TBC1D8: variants seen among roughly 807,000 people sequenced by gnomAD.
TBC1D8 encodes BUB2-like protein 1.
In TBC1D8, 65 loss-of-function variants were observed where a neutral mutation model predicts 118.8. The observed-to-expected ratio is 0.55, with a 90% CI of 0.45 to 0.67. The LOEUF (loss-of-function observed/expected upper bound fraction) is 0.67, where lower values mean the gene tolerates loss of function less well. Ranked by LOEUF, TBC1D8 falls within the 30% of genes least tolerant of loss-of-function variation. TBC1D8 has a pLI of 0.00. For synonymous variants in TBC1D8, 566 were observed against 595.8 expected, an observed-to-expected ratio of 0.95 and a Z score of 0.73; for missense variants, 1,376 against 1,471.2, an observed-to-expected ratio of 0.94 and a Z score of 1.06.
intron 7 of TBC1D8, 122 bp from the exon 8 acceptor site, chr2:101,037,830 G>C (rs1681120385): frequency 8.1e-7 from 1 of 1,231,694 alleles, no homozygotes; most frequent in Non-Finnish European, 1.1e-6. Flanking sequence ...CAATGACTCA[G>C]GGGGAAGACA....
At chr2:101,066,760 C>T (rs1005339833) in intron 2 of TBC1D8, among the ~76,000 whole-genome samples, 11 of 152,022 alleles carry the variant, frequency 7.2e-5, no homozygotes, top group Admixed American at 2.0e-4. Context: ...GCCTGGCCAA[C>T]GTGGCGAAAC....
At chr2:101,011,071 C>T in intron 18 of TBC1D8, 45 bp from the exon 19 acceptor site, 1 of 1,577,074 alleles carries the variant, frequency 6.3e-7, no homozygotes. Context: ...TAAATAAATT[C>T]AGTGACAGCA....
intron 17 of TBC1D8, among the ~76,000 whole-genome samples, chr2:101,015,391 A>T (rs1679549659): frequency 6.6e-6 from 1 of 152,188 alleles, no homozygotes. Context: ...ATAAACACTT[A>T]ACTGTACTGA....
chr2:101,126,635 A>G lies in TBC1D8; in HGVS notation c.127+24492T>C, dbSNP rs183832310. Reference sequence around the variant, plus strand: ...AGAGAGGTAAAGTAGTGAAAGCCCTATGAAAAATGTAATTCAATATGAAAA... The same window carrying G: ...AGAGAGGTAAAGTAGTGAAAGCCCTGTGAAAAATGTAATTCAATATGAAAA... On this transcript the variant is annotated intron_variant, in intron 1 of 19. Coordinates refer to ENST00000409318, the MANE Select transcript of TBC1D8 (RefSeq NM_001330348.2). Among the ~76,000 whole-genome samples the G allele has an allele frequency of 8.8e-4, 134 of 152,356 alleles. 1 individual carries two copies. Among genetic ancestry groups the G allele is most frequent in the African/African-American group, 3.2e-3 (131 of 41,580 alleles).
At chr2:101,105,758 T>C (rs1348032569) in intron 1 of TBC1D8, among the ~76,000 whole-genome samples, 1 of 152,112 alleles carries the variant, frequency 6.6e-6, no homozygotes, top group African/African-American at 2.4e-5. Context: ...GACTCATTCA[T>C]TGCTGATGGT....
At chr2:101,027,867 C>T (rs1410070205) in intron 14 of TBC1D8, among the ~76,000 whole-genome samples, 181 bp downstream of exon 14, 3 of 152,248 alleles carry the variant, frequency 2.0e-5, no homozygotes, top group Admixed American at 1.3e-4. Flanking sequence ...GTTGAGTACA[C>T]TCACCACCTG....
At chr2:101,096,796 G>GA (rs1553418149) in intron 1 of TBC1D8, among the ~76,000 whole-genome samples, 2 of 146,502 alleles carry the variant, frequency 1.4e-5, no homozygotes, top group East Asian at 2.0e-4. Context: ...AGAGAGAGGG[G>GA]GAGAGAGAGA....
At chr2:101,016,555 C>G (rs1279468079) in intron 17 of TBC1D8, among the ~76,000 whole-genome samples, 3 of 152,154 alleles carry the variant, frequency 2.0e-5, no homozygotes, top group African/African-American at 7.2e-5. Flanking sequence ...ACCATTTGAC[C>G]CAGCCATCCC....
chr2:101,045,491 G>A (rs1329790886), intron 5 of TBC1D8, among the ~76,000 whole-genome samples: 2 of 152,158 alleles, frequency 1.3e-5, no homozygotes, highest in African/African-American at 2.4e-5. Context: ...GGCTTAACGC[G>A]TCCCCAAACT....
intron 1 of TBC1D8, among the ~76,000 whole-genome samples, chr2:101,102,136 A>G (rs1051390228): frequency 3.9e-5 from 6 of 152,184 alleles, no homozygotes; most frequent in Non-Finnish European, 5.9e-5. Context: ...CAAACATAGT[A>G]GATATTAATC....
At chr2:101,133,114 C>G (rs371181156) in intron 1 of TBC1D8, among the ~76,000 whole-genome samples, 1 of 146,724 alleles carries the variant, frequency 6.8e-6, no homozygotes, top group Non-Finnish European at 1.5e-5. Flanking sequence ...GAGCTGAGAT[C>G]GAGCCACTGC....
rs899572739 is a variant in TBC1D8 at position 101,151,318 on chromosome 2, C to T, written c.-65G>A. The T allele has an allele frequency of 1.6e-5, 18 of 1,095,830 alleles. No individual in the cohort carries two copies. Among genetic ancestry groups the T allele is most frequent in the Non-Finnish European group, 1.8e-5 (16 of 890,972 alleles). 67.9% of individuals were successfully genotyped at this position (1,095,830 alleles called of 1,614,324 possible). ...CTCCCCGGCCGCCGGTCGCTGTGAG[C>T]CGAGCCCGCTCGAGAGGCGACGGCG... is the stretch of plus-strand genomic sequence containing the variant. On this transcript the variant is annotated 5_prime_UTR_variant, in exon 1 of 20. Transcript: ENST00000409318.
chr2:101,023,262 A>C (rs1179832098), intron 15 of TBC1D8, among the ~76,000 whole-genome samples: 3 of 151,838 alleles, frequency 2.0e-5, no homozygotes, highest in African/African-American at 7.2e-5. Flanking sequence ...CTCATGCCTC[A>C]GCCTCCCGAG....
At chr2:101,083,798 A>G (rs1373923465) in intron 2 of TBC1D8, among the ~76,000 whole-genome samples, 1 of 152,084 alleles carries the variant, frequency 6.6e-6, no homozygotes, top group African/African-American at 2.4e-5. Flanking sequence ...GCTTTATCTG[A>G]GACTTGAAAC....
Position 101,090,373 on chromosome 2 carries a change from GAA to G in TBC1D8, c.128-11_128-10del, listed in dbSNP as rs756670451. 1.2e-6 allele frequency: 2 copies of G among 1,613,636 alleles called. No individual in the cohort carries two copies. The highest frequency in any genetic ancestry group is 1.7e-5 in the Admixed American group (1 of 59,980). ...AGCGCCGACCAGGCGACCTTCAAAAGAAAAGAGAAGAAAGTGCACCTGTGAGC... is the reference window on the plus strand; with the variant it reads ...AGCGCCGACCAGGCGACCTTCAAAAGAAGAGAAGAAAGTGCACCTGTGAGC... On this transcript the variant is annotated splice_polypyrimidine_tract_variant and intron_variant, in intron 1 of 19. Transcript: ENST00000409318.
rs1293804554 is a variant in TBC1D8, at chr2:101,116,420, G to A, written c.128-26056C>T. ...GGCTCAGCTTCCTCATGTGTCCAACGGGGATCATCCCCACCGCACTGGTCT... is the reference window on the plus strand; with the variant it reads ...GGCTCAGCTTCCTCATGTGTCCAACAGGGATCATCCCCACCGCACTGGTCT... On this transcript the variant is annotated intron_variant, in intron 1 of 19. Coordinates refer to ENST00000409318, the MANE Select transcript of TBC1D8 (RefSeq NM_001330348.2). Among the ~76,000 whole-genome samples, 6 of 152,184 alleles carry A rather than the reference G, an allele frequency of 3.9e-5. No homozygotes were observed. The South Asian group carries it at 8.3e-4, about 21-fold the overall frequency.
intron 17 of TBC1D8, among the ~76,000 whole-genome samples, chr2:101,017,418 G>A (rs1679737140): frequency 6.6e-6 from 1 of 152,196 alleles, no homozygotes; most frequent in Non-Finnish European, 1.5e-5. Flanking sequence ...CGGCAATAGA[G>A]TTGTTTACAC....
chr2:101,118,997 G>A (rs1229788839), intron 1 of TBC1D8, among the ~76,000 whole-genome samples: 1 of 152,088 alleles, frequency 6.6e-6, no homozygotes, highest in Admixed American at 6.5e-5. Flanking sequence ...ATGACAGACT[G>A]AGACCCTGTC....
At chr2:101,097,835 G>A (rs1406421716) in intron 1 of TBC1D8, among the ~76,000 whole-genome samples, 1 of 152,146 alleles carries the variant, frequency 6.6e-6, no homozygotes, top group African/African-American at 2.4e-5. Flanking sequence ...TCACACTGCT[G>A]TACTCCAGCC....
Sources: gnomAD v4.1 joint callset for allele counts (sites outside exome capture counted in the v4.1 genomes callset) on GRCh38, gnomAD v4.1.1 for gene constraint, MANE v1.5 for transcripts, NCBI Gene and HGNC (gene_info 2026-07-23, HGNC 2026-07-21) for gene names.